Variants in AP4S1 observed in about 807,000 individuals in gnomAD.
AP4S1 encodes AP-4 complex subunit sigma-1.
A neutral mutation model predicts 19.8 loss-of-function variants in AP4S1; 23 were observed. The observed-to-expected ratio is 1.16, with a 90% confidence interval of 0.84 to 1.65. The LOEUF is 1.65. Ranked by LOEUF, AP4S1 falls within the 40% of genes most tolerant of loss-of-function variation. The pLI, the probability that AP4S1 is intolerant of heterozygous loss-of-function variation, is 0.00. For synonymous variants in AP4S1, 46 were observed against 54.1 expected, an observed-to-expected ratio of 0.85 and a Z score of 0.66; for missense variants, 166 against 172.8, an observed-to-expected ratio of 0.96 and a Z score of 0.22.
chr14:31,041,865 G>A (rs971134262), intron 1 of AP4S1, among the ~76,000 whole-genome samples: 1 of 151,980 alleles, frequency 6.6e-6, no homozygotes, highest in Non-Finnish European at 1.5e-5. Context: ...TTTTTGATAT[G>A]GGGGTCTCAC....
At chr14:31,060,210 A>G (rs141721781) in intron 1 of AP4S1, among the ~76,000 whole-genome samples, 229 of 151,974 alleles carry the variant, frequency 1.5e-3, no homozygotes, top group African/African-American at 5.1e-3. Context: ...TTTTCCCACC[A>G]AACACAGATG....
At chr14:31,041,042 C>T (rs1477444220) in intron 1 of AP4S1, among the ~76,000 whole-genome samples, 3 of 147,438 alleles carry the variant, frequency 2.0e-5, no homozygotes, top group Non-Finnish European at 4.5e-5. Flanking sequence ...CACCACTGAG[C>T]TCCAGCCTGG....
At chr14:31,052,473 C>T (rs998560949) in intron 1 of AP4S1, among the ~76,000 whole-genome samples, 1 of 151,832 alleles carries the variant, frequency 6.6e-6, no homozygotes, top group East Asian at 1.9e-4. Flanking sequence ...ACTTGTAATC[C>T]CAGCACTTTG....
intron 1 of AP4S1, among the ~76,000 whole-genome samples, chr14:31,032,084 A>G (rs1011917746): frequency 2.0e-5 from 3 of 151,644 alleles, no homozygotes; most frequent in Admixed American, 6.6e-5. Flanking sequence ...AAAAAAAAAA[A>G]AAAAAAAGAA....
Position 31,061,914 on chromosome 14 carries a change from G to A in AP4S1, c.-71-4212G>A, listed in dbSNP as rs149170368. 4.4e-3 allele frequency among the ~76,000 whole-genome samples: 676 copies of A among 152,066 alleles called. 5 individuals carry two copies. The highest frequency in any genetic ancestry group is 0.015 in the African/African-American group (635 of 41,474). On this transcript the variant is annotated intron_variant, in intron 1 of 5. Coordinates refer to ENST00000542754, the MANE Select transcript of AP4S1 (RefSeq NM_001128126.3). ...CTCGGCCTCCCAAATTCGGTGCTGG[G>A]ATTACAGGCATGAGCCACCACACCT...
intron 5 of AP4S1, chr14:31,086,162 T>C (rs1381688209): frequency 1.3e-5 from 2 of 152,318 alleles, no homozygotes; most frequent in East Asian, 1.9e-4. Context: ...AAGTGGGAGA[T>C]AATGTCAGCC....
At position 31,093,100 on chromosome 14, in the gene AP4S1, C is replaced by T; in HGVS notation, c.*65C>T. The T allele has an allele frequency of 6.8e-7, 1 of 1,470,546 alleles. No homozygotes were observed. The highest frequency in any genetic ancestry group is 9.1e-7 in the Non-Finnish European group (1 of 1,103,078). 91.1% of individuals were successfully genotyped at this position (1,470,546 alleles called of 1,614,324 possible). ...GCGAGTACCGTGGAATACATCTCAA[C>T]ATGTTAACCCAGAAGAATCTGGAAG... On this transcript the variant is annotated 3_prime_UTR_variant, in exon 6 of 6. Coordinates refer to ENST00000542754, the MANE Select transcript of AP4S1 (RefSeq NM_001128126.3).
rs60189766 is a variant in AP4S1 at position 31,071,922 on chromosome 14, A to ATT, written c.226-976_226-975dup. ...ATTTATTTATTTATTTATTTATTTGATTTTTTTTGGGGGGGTGGGGATGGA... is the reference window on the plus strand; with the variant it reads ...ATTTATTTATTTATTTATTTATTTGATTTTTTTTTTGGGGGGGTGGGGATGGA... On this transcript the variant is annotated intron_variant, in intron 3 of 5. Coordinates refer to ENST00000542754, the MANE Select transcript of AP4S1 (RefSeq NM_001128126.3). 3.1e-4 allele frequency among the ~76,000 whole-genome samples: 46 copies of ATT among 148,570 alleles called. 1 individual carries two copies. Among genetic ancestry groups the ATT allele is most frequent in the Middle Eastern group, 3.5e-3 (1 of 286 alleles).
intron 2 of AP4S1, among the ~76,000 whole-genome samples, chr14:31,066,870 AT>A: frequency 6.6e-6 from 1 of 152,344 alleles, no homozygotes; most frequent in African/African-American, 2.4e-5. Flanking sequence ...AACAAAACAA[AT>A]TTGATTATCT....
intron 1 of AP4S1, among the ~76,000 whole-genome samples, chr14:31,035,122 T>G (rs67643008): frequency 0.065 from 9,892 of 151,808 alleles, 361 homozygotes; most frequent in Non-Finnish European, 0.082. Context: ...TTTAACAGAT[T>G]AGGAGTTTTT....
chr14:31,062,673 T>C (rs1400656604), intron 1 of AP4S1, among the ~76,000 whole-genome samples: 3 of 152,084 alleles, frequency 2.0e-5, no homozygotes, highest in Non-Finnish European at 1.5e-5. Context: ...ACAGTAATAG[T>C]TCACTAGGAA....
At chr14:31,025,583 G>A (rs1883793984), upstream of AP4S1, 2 of 429,748 alleles carry the variant, frequency 4.7e-6, no homozygotes, top group South Asian at 2.3e-5. Context: ...CCCACAGAGA[G>A]GTGCTCGGTC....
intron 1 of AP4S1, among the ~76,000 whole-genome samples, chr14:31,031,111 T>G (rs925027167): frequency 6.6e-6 from 1 of 152,144 alleles, no homozygotes; most frequent in Non-Finnish European, 1.5e-5. Context: ...TCCCTTCAAT[T>G]TCTCCTGTCT....
chr14:31,071,765 A>G (rs1189362299), intron 3 of AP4S1, among the ~76,000 whole-genome samples: 1 of 152,086 alleles, frequency 6.6e-6, no homozygotes, highest in South Asian at 2.1e-4. Context: ...GCTAGAATGC[A>G]GTGGCACCTT....
chr14:31,072,792 T>C, intron 3 of AP4S1, 113 bp from the exon 4 acceptor site: 1 of 810,208 alleles, frequency 1.2e-6, no homozygotes, highest in Non-Finnish European at 2.1e-6. Flanking sequence ...CCTCACATTA[T>C]CGGTTCACTA....
At chr14:31,086,702 C>T (rs1204452611) in intron 5 of AP4S1, among the ~76,000 whole-genome samples, 1 of 152,144 alleles carries the variant, frequency 6.6e-6, no homozygotes, top group Non-Finnish European at 1.5e-5. Context: ...AGGCATGAGC[C>T]ACCACGCCCA....
intron 1 of AP4S1, among the ~76,000 whole-genome samples, chr14:31,035,438 A>ACCTG (rs1884685128): frequency 4.6e-5 from 7 of 151,210 alleles, no homozygotes; most frequent in Admixed American, 4.6e-4. Context: ...TGATCTGCCC[A>ACCTG]CCTCAGCCTC....
At chr14:31,040,563 A>G (rs1459604060) in intron 1 of AP4S1, among the ~76,000 whole-genome samples, 1 of 152,196 alleles carries the variant, frequency 6.6e-6, no homozygotes, top group Non-Finnish European at 1.5e-5. Context: ...TTAGGTGATC[A>G]CTGCCCATTA....
At chr14:31,077,934 C>T (rs921133928) in intron 4 of AP4S1, among the ~76,000 whole-genome samples, 7 of 152,066 alleles carry the variant, frequency 4.6e-5, no homozygotes, top group African/African-American at 1.7e-4. Flanking sequence ...TAGGGTTTCA[C>T]CATATTGGCC....
Sources: gnomAD v4.1 joint callset for allele counts (sites outside exome capture counted in the v4.1 genomes callset) on GRCh38, gnomAD v4.1.1 for gene constraint, MANE v1.5 for transcripts, NCBI Gene and HGNC (gene_info 2026-07-23, HGNC 2026-07-21) for gene names.